ZNF407: variants seen among roughly 807,000 people sequenced by gnomAD.
ZNF407 encodes zinc finger protein 407.
ZNF407 carries 17 observed loss-of-function variants against 131.2 expected under a neutral mutation model. The observed-to-expected ratio is 0.13, with a 90% CI of 0.09 to 0.19. The LOEUF is 0.19. ZNF407 is among the 10% of genes least tolerant of loss of function. The pLI is 1.00. For missense variants in ZNF407, 2,681 were observed against 2,830.6 expected, an observed-to-expected ratio of 0.95 and a Z score of 1.20; for synonymous variants, 1,156 against 1,062.0, an observed-to-expected ratio of 1.09 and a Z score of -1.72.
chr18:75,010,652 C>T (rs1972963455), intron 8 of ZNF407, among the ~76,000 whole-genome samples: 1 of 152,136 alleles, frequency 6.6e-6, no homozygotes, highest in African/African-American at 2.4e-5. Flanking sequence ...GAGGATGCCC[C>T]AGACACTTTT....
chr18:75,006,016 T>C (rs913678889), intron 8 of ZNF407, among the ~76,000 whole-genome samples: 2 of 152,278 alleles, frequency 1.3e-5, no homozygotes, highest in Middle Eastern at 3.4e-3. Flanking sequence ...AATAAAGTCC[T>C]GGATCCAAAC....
chr18:74,901,600 CT>C (rs1971525434), intron 7 of ZNF407, among the ~76,000 whole-genome samples: 2 of 152,206 alleles, frequency 1.3e-5, no homozygotes, highest in Non-Finnish European at 2.9e-5. Context: ...AGTGTGTCAT[CT>C]GGAACCATCC....
rs946925771 is a variant in ZNF407 at position 74,933,245 on chromosome 18, A to C, written c.5428+12553A>C. Among the ~76,000 whole-genome samples, 6 of 152,242 alleles carry C rather than the reference A, an allele frequency of 3.9e-5. 1 individual carries two copies. Among genetic ancestry groups the C allele is most frequent in the Non-Finnish European group, 8.8e-5 (6 of 68,044 alleles). On this transcript the variant is annotated intron_variant, in intron 8 of 8. Transcript: ENST00000299687. ...AGGAAAATCTGGCACATGCTATTAC[A>C]TGGATGAACCTTGAGAATATGTTAA...
chr18:74,773,552 A>T (rs1969405840), intron 3 of ZNF407, among the ~76,000 whole-genome samples: 1 of 152,244 alleles, frequency 6.6e-6, no homozygotes, highest in South Asian at 2.1e-4. Context: ...TAGAGAGCTT[A>T]AAGAAGTAGT....
intron 8 of ZNF407, among the ~76,000 whole-genome samples, chr18:74,984,426 T>C (rs901404117): frequency 1.3e-5 from 2 of 152,264 alleles, no homozygotes; most frequent in Non-Finnish European, 2.9e-5. Flanking sequence ...TTATTATGTT[T>C]ACAATATATG....
At chr18:74,618,202 C>T (rs1983394336) in intron 1 of ZNF407, among the ~76,000 whole-genome samples, 1 of 152,164 alleles carries the variant, frequency 6.6e-6, no homozygotes, top group Non-Finnish European at 1.5e-5. Context: ...AAGCATTTCC[C>T]TACTTTCTGC....
At chr18:74,778,643 G>A (rs1969525613) in intron 3 of ZNF407, among the ~76,000 whole-genome samples, 1 of 152,160 alleles carries the variant, frequency 6.6e-6, no homozygotes, top group Non-Finnish European at 1.5e-5. Context: ...TTAAATGCAT[G>A]TGTGAATGAC....
chr18:74,929,438 A>T (rs907706309), intron 8 of ZNF407, among the ~76,000 whole-genome samples: 1 of 152,182 alleles, frequency 6.6e-6, no homozygotes, highest in Non-Finnish European at 1.5e-5. Flanking sequence ...ATCCCCTCTG[A>T]CAGCTTCATT....
At position 75,001,199 on chromosome 18, in the gene ZNF407, T is replaced by C. The variant is rs143936106; in HGVS notation, c.5429-61951T>C. Among the ~76,000 whole-genome samples the C allele has an allele frequency of 6.2e-3, 947 of 152,242 alleles. 9 individuals are homozygous for C. The highest frequency in any genetic ancestry group is 0.011 in the Non-Finnish European group (759 of 68,032). On this transcript the variant is annotated intron_variant, in intron 8 of 8. Transcript: ENST00000299687. ...GGAAAATGGGTGGGGAAGATAGATATCTTTGAAGTGCCGACTGTAACAATA... is the reference window on the plus strand; with the variant it reads ...GGAAAATGGGTGGGGAAGATAGATACCTTTGAAGTGCCGACTGTAACAATA...
intron 8 of ZNF407, among the ~76,000 whole-genome samples, chr18:74,964,712 C>A (rs867955347): frequency 5.4e-5 from 8 of 148,216 alleles, no homozygotes; most frequent in African/African-American, 2.0e-4. Context: ...CATTTAATTT[C>A]ATTTGCATTC....
At chr18:74,964,069 A>G (rs767254839) in intron 8 of ZNF407, among the ~76,000 whole-genome samples, 4 of 152,308 alleles carry the variant, frequency 2.6e-5, no homozygotes, top group South Asian at 2.1e-4. Context: ...TGAAACCTCT[A>G]TTGACCGCGC....
chr18:74,670,669 T>G (rs1214986363), intron 3 of ZNF407, among the ~76,000 whole-genome samples: 2 of 152,142 alleles, frequency 1.3e-5, no homozygotes, highest in Non-Finnish European at 2.9e-5. Context: ...AACATAAAAT[T>G]TATCATCTTT....
chr18:74,641,132 T>G lies in ZNF407; in HGVS notation c.4802+10T>G. On this transcript the variant is annotated intron_variant, in intron 3 of 8. Transcript: ENST00000299687. ...AGTGTCATGTCTGTGGGTGAGTAAA[T>G]TGAAGCCATCTCTGCTGCGTGAACC... 1 of 1,600,542 alleles carries G rather than the reference T, an allele frequency of 6.2e-7. No individual in the cohort carries two copies. Among genetic ancestry groups the G allele is most frequent in the Non-Finnish European group, 8.6e-7 (1 of 1,167,926 alleles).
chr18:74,617,253 A>C (rs1489284452), intron 1 of ZNF407, among the ~76,000 whole-genome samples: 2 of 151,968 alleles, frequency 1.3e-5, no homozygotes, highest in Non-Finnish European at 2.9e-5. Flanking sequence ...CCCTTTACCC[A>C]TAAACACTCA....
chr18:74,893,353 T>C (rs564905469), intron 7 of ZNF407, among the ~76,000 whole-genome samples: 3 of 152,212 alleles, frequency 2.0e-5, no homozygotes, highest in Non-Finnish European at 4.4e-5. Context: ...ATTTGATTAT[T>C]AATGAAAGTA....
intron 3 of ZNF407, among the ~76,000 whole-genome samples, chr18:74,749,506 C>T (rs1220480185): frequency 2.0e-5 from 3 of 152,100 alleles, no homozygotes; most frequent in Non-Finnish European, 4.4e-5. Context: ...TAAAACCTAA[C>T]TGAGATACCG....
intron 8 of ZNF407, chr18:74,921,182 T>TG (rs1460993078): frequency 3.6e-6 from 1 of 279,936 alleles, no homozygotes; most frequent in East Asian, 1.8e-4. Flanking sequence ...TCCCAGAAAT[T>TG]GGGAGGGGGC....
intron 8 of ZNF407, among the ~76,000 whole-genome samples, chr18:75,039,858 C>T (rs1320245845): frequency 2.0e-5 from 3 of 151,076 alleles, no homozygotes; most frequent in Non-Finnish European, 3.0e-5. Flanking sequence ...TATACATTTC[C>T]CTAGAGAATT....
intron 4 of ZNF407, among the ~76,000 whole-genome samples, chr18:74,858,130 C>T (rs1204392042): frequency 6.8e-6 from 1 of 147,074 alleles, no homozygotes; most frequent in Non-Finnish European, 1.5e-5. Context: ...CTCTTCTTCC[C>T]TCCCTGCCTC....
Sources: allele counts gnomAD v4.1 joint callset (sites outside exome capture counted in the v4.1 genomes callset), GRCh38; gene constraint gnomAD v4.1.1; transcripts MANE v1.5; gene names NCBI Gene and HGNC (gene_info 2026-07-23, HGNC 2026-07-21).